The following KHNYN variants were observed in gnomAD, a reference collection of about 807,000 sequenced individuals.
KHNYN encodes protein KHNYN.
In KHNYN, 42 loss-of-function variants were observed where a neutral mutation model predicts 62.7. That is an observed-to-expected ratio of 0.67 (90% CI 0.52 to 0.87). The LOEUF (loss-of-function observed/expected upper bound fraction) is 0.87, where lower values mean the gene tolerates loss of function less well. Ranked by LOEUF, KHNYN falls within the 40% of genes least tolerant of loss-of-function variation. The probability of loss-of-function intolerance (pLI) is 0.00; values close to 1 mark genes in which losing one functional copy is unlikely to be tolerated. For synonymous variants in KHNYN, 347 were observed against 345.6 expected (o/e 1.00, Z -0.04); for missense variants, 829 against 874.1 (o/e 0.95, Z 0.65).
upstream of KHNYN, chr14:24,428,927 C>T (rs1042898422): frequency 4.5e-6 from 7 of 1,559,924 alleles, no homozygotes; most frequent in Middle Eastern, 5.0e-4. Flanking sequence ...CAGGCACTCC[C>T]CCTCCAGCAG....
At chr14:24,435,048 TAAA>T (rs1242259106) in intron 5 of KHNYN, among the ~76,000 whole-genome samples, 1 of 152,172 alleles carries the variant, frequency 6.6e-6, no homozygotes, top group Non-Finnish European at 1.5e-5. Flanking sequence ...CTAAATCTGT[TAAA>T]AAGACCACCA....
In KHNYN at chr14:24,441,596, G is replaced by A; in HGVS notation, c.*4311G>A. On this transcript the variant is annotated 3_prime_UTR_variant, in exon 8 of 8. Coordinates refer to ENST00000553935, the MANE Select transcript of KHNYN (RefSeq NM_015299.3). ...TTGCCTGGAAAAGACCAGTGCTCTG[G>A]TGTGTGCATAGCTACAGAGGTCTGA... is the stretch of plus-strand genomic sequence containing the variant. 1 of 1,239,164 alleles carries A rather than the reference G, an allele frequency of 8.1e-7. No individual in the cohort carries two copies. The highest frequency in any genetic ancestry group is 1.1e-6 in the Non-Finnish European group (1 of 886,494). The allele number at this position is 1,239,164 out of a possible 1,614,324, so 76.8% of individuals were successfully genotyped here. A position where few individuals can be genotyped will look rare whatever the true frequency, so the allele number is the denominator to read the frequency against.
upstream of KHNYN, chr14:24,427,932 C>T (rs1325670561): frequency 6.2e-7 from 1 of 1,613,908 alleles, no homozygotes; most frequent in Non-Finnish European, 8.5e-7. The surrounding 1 kb of genome is among the most constrained non-coding windows in gnomAD (Gnocchi z 4.4). Context: ...CGGGTCACGT[C>T]AGGATCATTG....
rs1193093226 is a variant in KHNYN, at chr14:24,432,399, G to A, written c.1138G>A (p.Gly380Arg). ...CGDRGDCGDRGDVGDRGDKQQ... is the reference protein window; with the variant it reads ...CGDRGDCGDRRDVGDRGDKQQ... The stretch of plus-strand genomic sequence containing the variant: ...AGACCGGGGTGACTGCGGAGACCGG[G>A]GAGACGTGGGGGACAGGGGAGACAA... The change falls in exon 3 of 8, where the codon GGA becomes AGA. Residue 380 changes from glycine to arginine, a missense_variant. By Grantham distance (125) the Gly-to-Arg change is moderately radical. Transcript: ENST00000553935. This position sits in a 1 kb window ranked among gnomAD's most constrained non-coding sequence, Gnocchi z 5.6. The A allele has an allele frequency of 1.2e-6, 2 of 1,613,784 alleles. No individual in the cohort carries two copies. The highest frequency in any genetic ancestry group is 1.7e-5 in the Admixed American group (1 of 60,028).
the KHNYN span, among the ~76,000 whole-genome samples, chr14:24,424,281 G>T: frequency 6.6e-6 from 1 of 152,128 alleles, no homozygotes; most frequent in Non-Finnish European, 1.5e-5. Context: ...TGAATTTTTG[G>T]TTGGGACCTG....
At chr14:24,435,833 G>T (rs1302178591) in intron 5 of KHNYN, 1 of 537,424 alleles carries the variant, frequency 1.9e-6, no homozygotes, top group Non-Finnish European at 3.3e-6. Context: ...ATCACCAGAA[G>T]TGGCCTATGG....
chr14:24,428,828 G>A (rs555986746), upstream of KHNYN: 6 of 1,612,728 alleles, frequency 3.7e-6, no homozygotes, highest in Admixed American at 1.7e-5. Context: ...GCTTCGGACC[G>A]CAGCAAATGC....
chr14:24,438,136 C>T lies in KHNYN; in HGVS notation c.*851C>T, dbSNP rs558869023. On this transcript the variant is annotated 3_prime_UTR_variant, in exon 8 of 8. Coordinates refer to ENST00000553935, the MANE Select transcript of KHNYN (RefSeq NM_015299.3). Reference sequence around the variant, plus strand: ...GCAACCTCCAAAATCTACATTTACACAGTAGGTAAATTAGGGATGACTGCA... The same window carrying T: ...GCAACCTCCAAAATCTACATTTACATAGTAGGTAAATTAGGGATGACTGCA... The T allele has an allele frequency of 6.6e-6, 1 of 152,624 alleles. No individual in the cohort carries two copies. The highest frequency in any genetic ancestry group is 1.5e-5 in the Non-Finnish European group (1 of 68,046). The allele number at this position is 152,624 out of a possible 1,614,324, so 9.5% of individuals were successfully genotyped here. A position where few individuals can be genotyped will look rare whatever the true frequency, so the allele number is the denominator to read the frequency against.
In KHNYN at chr14:24,430,053, G is replaced by A. The variant is rs1594750976; in HGVS notation, c.-84G>A. 2.0e-6 allele frequency: 2 copies of A among 985,378 alleles called. No individual in the cohort carries two copies. Among genetic ancestry groups the A allele is most frequent in the East Asian group, 2.3e-4 (2 of 8,814 alleles). 61.0% of individuals were successfully genotyped at this position (985,378 alleles called of 1,614,324 possible). On this transcript the variant is annotated 5_prime_UTR_variant, in exon 1 of 8. Transcript: ENST00000553935. ...CCCTGCCCTTGTCCCCTGGGCTGGG[G>A]GCGCGGGCAAAGCGGGGGCCTGGCG...
chr14:24,428,327 G>A (rs749465665), upstream of KHNYN: 10 of 1,613,938 alleles, frequency 6.2e-6, no homozygotes, highest in Non-Finnish European at 8.5e-6. Context: ...ACATGGAACC[G>A]GAAGCTGTAG....
Position 24,441,597 on chromosome 14 carries a change from T to C in KHNYN, c.*4312T>C. On this transcript the variant is annotated 3_prime_UTR_variant, in exon 8 of 8. Transcript: ENST00000553935. ...TGCCTGGAAAAGACCAGTGCTCTGG[T>C]GTGTGCATAGCTACAGAGGTCTGAG... The C allele has an allele frequency of 8.0e-7, 1 of 1,247,612 alleles. No homozygotes were observed. The highest frequency in any genetic ancestry group is 1.5e-5 in the South Asian group (1 of 68,338). The allele number at this position is 1,247,612 out of a possible 1,614,324, so 77.3% of individuals were successfully genotyped here.
At chr14:24,436,339 G>A in intron 6 of KHNYN, 49 bp from the exon 7 acceptor site, 3 of 1,533,998 alleles carry the variant, frequency 2.0e-6, no homozygotes, top group East Asian at 4.5e-5. Flanking sequence ...TTGTCTGGGA[G>A]GTGGGCAAGG....
upstream of KHNYN, among the ~76,000 whole-genome samples, chr14:24,424,523 A>G (rs115668934): frequency 4.9e-4 from 75 of 152,320 alleles, no homozygotes; most frequent in African/African-American, 1.8e-3. Flanking sequence ...TGGCAAAACG[A>G]ACTTCAAATA....
chr14:24,431,880 G>T lies in KHNYN; in HGVS notation c.619G>T (p.Ala207Ser), dbSNP rs2043121530. The T allele has an allele frequency of 6.2e-7, 1 of 1,613,946 alleles. No homozygotes were observed. Among genetic ancestry groups the T allele is most frequent in the African/African-American group, 1.3e-5 (1 of 74,926 alleles). Residue 207 changes from alanine (A) to serine (S), a missense_variant, in exon 3 of 8, where the codon GCT becomes TCT. Around this residue, in one of 2 missense-constraint regions of KHNYN, gnomAD observed 559 missense variants for 527.0 expected, o/e 1.06. Coordinates refer to ENST00000553935, the MANE Select transcript of KHNYN (RefSeq NM_015299.3). ...ASSGQGPGAL[A>S]SWEGRSSALL... The stretch of plus-strand genomic sequence containing the variant: ...TAGTGGGCAGGGGCCAGGAGCACTG[G>T]CTTCTTGGGAGGGGCGGAGCTCAGC...
At chr14:24,433,570 G>A (rs1452066137) in intron 5 of KHNYN, among the ~76,000 whole-genome samples, 1 of 152,150 alleles carries the variant, frequency 6.6e-6, no homozygotes, top group Non-Finnish European at 1.5e-5. Flanking sequence ...CTTTGACTGT[G>A]GAACTTTTCT....
At position 24,439,839 on chromosome 14, in the gene KHNYN, G is replaced by GAT; in HGVS notation, c.*2554_*2555insAT. On this transcript the variant is annotated 3_prime_UTR_variant, in exon 8 of 8. Transcript: ENST00000553935. ...CACAGCGTAAAGGAGAAGTGGGGCAGCTGCAGGACATGTAGAGAAACCAAA... is the reference window on the plus strand; with the variant it reads ...CACAGCGTAAAGGAGAAGTGGGGCAGATCTGCAGGACATGTAGAGAAACCAAA... The GAT allele has an allele frequency of 2.2e-6, 1 of 457,688 alleles. No individual in the cohort carries two copies. The highest frequency in any genetic ancestry group is 3.9e-6 in the Non-Finnish European group (1 of 257,470). 28.4% of individuals were successfully genotyped at this position (457,688 alleles called of 1,614,324 possible).
upstream of KHNYN, chr14:24,429,270 A>AT (rs1488097256): frequency 1.4e-6 from 1 of 703,716 alleles, no homozygotes; most frequent in East Asian, 2.7e-5. Context: ...GCATGCAGTG[A>AT]CAGCAGTTGG....
rs995907390 is a variant in KHNYN, at chr14:24,440,362, G to C, written c.*3077G>C. Reference sequence around the variant, plus strand: ...GGTTTGCTTCAAGGGCATGGGTCAGGATTCCTGCCAGGTCCCCGATGTGTA... The same window carrying C: ...GGTTTGCTTCAAGGGCATGGGTCAGCATTCCTGCCAGGTCCCCGATGTGTA... On this transcript the variant is annotated 3_prime_UTR_variant, in exon 8 of 8. Transcript: ENST00000553935. The C allele has an allele frequency of 4.3e-6, 7 of 1,613,902 alleles. No homozygotes were observed. The African/African-American group carries it at 9.3e-5, about 22-fold the overall frequency.
Position 24,431,867 on chromosome 14 carries a change from G to T in KHNYN, c.606G>T (p.Gly202=), listed in dbSNP as rs139410785. ...SLVQEASSGQ[G]PGALASWEGR... is the part of the protein sequence containing the mutation. Reference sequence around the variant, plus strand: ...TGCAGGAGGCGTCTAGTGGGCAGGGGCCAGGAGCACTGGCTTCTTGGGAGG... The same window carrying T: ...TGCAGGAGGCGTCTAGTGGGCAGGGTCCAGGAGCACTGGCTTCTTGGGAGG... Residue 202 remains glycine (G), a synonymous_variant, in exon 3 of 8, where the codon GGG becomes GGT. Transcript: ENST00000553935. The T allele has an allele frequency of 3.1e-6, 5 of 1,613,964 alleles. No homozygotes were observed. Among genetic ancestry groups the T allele is most frequent in the Non-Finnish European group, 4.2e-6 (5 of 1,180,040 alleles).
Sources: allele counts gnomAD v4.1 joint callset (sites outside exome capture counted in the v4.1 genomes callset), GRCh38; gene constraint gnomAD v4.1.1; regional missense constraint gnomAD v4.1.1; non-coding constraint Gnocchi (gnomAD v3.1); transcripts MANE v1.5; gene names NCBI Gene and HGNC (gene_info 2026-07-23, HGNC 2026-07-21).